Variants in MCMBP observed in about 807,000 individuals in gnomAD.
MCMBP encodes mini-chromosome maintenance complex-binding protein.
A neutral mutation model predicts 81.3 loss-of-function variants in MCMBP; 31 were observed. The observed-to-expected ratio is 0.38, with a 90% CI of 0.29 to 0.51. The LOEUF is 0.51. Ranked by LOEUF, MCMBP falls within the 20% of genes least tolerant of loss-of-function variation. MCMBP has a pLI of 0.87. For synonymous variants in MCMBP, 267 were observed against 275.9 expected (o/e 0.97, Z 0.32); for missense variants, 645 against 772.1 (o/e 0.84, Z 1.95).
chr10:119,840,680 T>G (rs1010098314), intron 11 of MCMBP, among the ~76,000 whole-genome samples, 163 bp downstream of exon 11: 19 of 152,250 alleles, frequency 1.2e-4, no homozygotes, highest in African/African-American at 4.6e-4. Flanking sequence ...GTGAAATGTT[T>G]AGGGGAACGT....
intron 1 of MCMBP, among the ~76,000 whole-genome samples, chr10:119,864,034 A>G (rs1238588513): frequency 6.6e-6 from 1 of 152,140 alleles, no homozygotes; most frequent in African/African-American, 2.4e-5. Flanking sequence ...GGGTGGGTTC[A>G]ATGTAATCAC....
intron 1 of MCMBP, among the ~76,000 whole-genome samples, chr10:119,871,997 A>G (rs1203021781): frequency 6.6e-6 from 1 of 152,202 alleles, no homozygotes; most frequent in Non-Finnish European, 1.5e-5. Context: ...AAACTAAGCT[A>G]TGAACATTAA....
chr10:119,851,029 T>C (rs550564287), intron 6 of MCMBP, among the ~76,000 whole-genome samples: 1 of 151,720 alleles, frequency 6.6e-6, no homozygotes, highest in African/African-American at 2.4e-5. Flanking sequence ...TGCACCACCA[T>C]GCCCAGCTAA....
intron 9 of MCMBP, 63 bp from the exon 10 acceptor site, chr10:119,842,658 T>TA (rs1229224824): frequency 4.5e-6 from 7 of 1,549,040 alleles, no homozygotes; most frequent in Admixed American, 4.1e-5. Flanking sequence ...GTGTCTTAGG[T>TA]AAAAAAATAA....
In MCMBP at chr10:119,842,731, G is replaced by A. The variant is rs1054072045; in HGVS notation, c.1001-136C>T. On this transcript the variant is annotated intron_variant, in intron 9 of 15. Coordinates refer to ENST00000369077, the MANE Select transcript of MCMBP (RefSeq NM_001256378.2). ...AAGCTTAACATATCCGTCAGTAAGT[G>A]ATGCTAATCTTAAAAATAAGGCAGT... 1.1e-5 allele frequency: 10 copies of A among 889,764 alleles called. No individual in the cohort carries two copies. The African/African-American group carries it at 1.5e-4, about 14-fold the overall frequency. The allele number at this position is 889,764 out of a possible 1,614,324, so 55.1% of individuals were successfully genotyped here.
intron 1 of MCMBP, among the ~76,000 whole-genome samples, chr10:119,868,442 A>G (rs970839998): frequency 6.6e-6 from 1 of 152,200 alleles, no homozygotes; most frequent in Non-Finnish European, 1.5e-5. Flanking sequence ...AAAAGAAAAG[A>G]AAAATTTTGA....
chr10:119,862,769 G>A (rs1168241769), intron 1 of MCMBP, among the ~76,000 whole-genome samples: 1 of 152,176 alleles, frequency 6.6e-6, no homozygotes, highest in African/African-American at 2.4e-5. Flanking sequence ...TTCCAGAGTG[G>A]CTGCACCATT....
intron 11 of MCMBP, among the ~76,000 whole-genome samples, chr10:119,839,641 C>G (rs1852365945): frequency 6.6e-6 from 1 of 152,158 alleles, no homozygotes; most frequent in Admixed American, 6.6e-5. Flanking sequence ...CAGGGTCAAT[C>G]AGGTCAAAAT....
Position 119,845,037 on chromosome 10 carries a change from A to G in MCMBP, c.828-1611T>C, listed in dbSNP as rs1380101351. Among the ~76,000 whole-genome samples, 6 of 152,166 alleles carry G rather than the reference A, an allele frequency of 3.9e-5. No individual in the cohort carries two copies. The East Asian group carries it at 9.6e-4, about 24-fold the overall frequency. Reference sequence around the variant, plus strand: ...TCATTCTCCTAATAAACTCCCCTTCATATATTCATCTATCCTATCAGTTCT... The same window carrying G: ...TCATTCTCCTAATAAACTCCCCTTCGTATATTCATCTATCCTATCAGTTCT... On this transcript the variant is annotated intron_variant, in intron 8 of 15. Transcript: ENST00000369077.
intron 1 of MCMBP, among the ~76,000 whole-genome samples, chr10:119,863,611 C>T (rs1244646440): frequency 1.3e-5 from 2 of 151,558 alleles, no homozygotes; most frequent in East Asian, 3.9e-4. Context: ...CGCCTGTAAT[C>T]CCAGCTACTC....
intron 8 of MCMBP, among the ~76,000 whole-genome samples, chr10:119,847,352 A>C (rs1441221221): frequency 1.3e-5 from 2 of 152,192 alleles, no homozygotes; most frequent in African/African-American, 4.8e-5. Context: ...TATATATGAG[A>C]AAGTCAGTAC....
upstream of MCMBP, among the ~76,000 whole-genome samples, chr10:119,873,016 G>A (rs537598105): frequency 6.6e-6 from 1 of 151,844 alleles, no homozygotes; most frequent in South Asian, 2.1e-4. Flanking sequence ...CGCCGCTGGA[G>A]GCTGCGCAGC....
chr10:119,856,020 C>T (rs924575063), intron 5 of MCMBP, among the ~76,000 whole-genome samples: 4 of 152,062 alleles, frequency 2.6e-5, no homozygotes, highest in South Asian at 2.1e-4. Context: ...GTCAAGAGAT[C>T]GAGACCATCC....
chr10:119,852,523 A>G (rs532318168), intron 6 of MCMBP, among the ~76,000 whole-genome samples: 40 of 152,276 alleles, frequency 2.6e-4, no homozygotes, highest in African/African-American at 9.4e-4. Flanking sequence ...CAAAATTTAA[A>G]AAGTTAGCTG....
chr10:119,854,791 G>A (rs1008060772), intron 5 of MCMBP, among the ~76,000 whole-genome samples: 1 of 150,520 alleles, frequency 6.6e-6, no homozygotes, highest in Admixed American at 6.6e-5. Context: ...ACCCCGTCTC[G>A]ACTAAAAACA....
intron 1 of MCMBP, among the ~76,000 whole-genome samples, chr10:119,861,943 A>G (rs919733019): frequency 1.3e-5 from 2 of 151,878 alleles, no homozygotes; most frequent in African/African-American, 2.4e-5. Context: ...AGGTCTCCCT[A>G]TGTTGTCCAG....
At chr10:119,834,775 C>T (rs951636530) in intron 14 of MCMBP, among the ~76,000 whole-genome samples, 7 of 146,746 alleles carry the variant, frequency 4.8e-5, no homozygotes, top group African/African-American at 7.5e-5. Flanking sequence ...GTGGGAGGAT[C>T]GCTTGAACCT....
chr10:119,839,458 T>A (rs1053025726), intron 11 of MCMBP, among the ~76,000 whole-genome samples: 1 of 152,190 alleles, frequency 6.6e-6, no homozygotes, highest in Non-Finnish European at 1.5e-5. Context: ...GAGTTTTGTG[T>A]ATTACCTCAG....
chr10:119,857,460 GT>G, intron 4 of MCMBP, 21 bp from the exon 5 acceptor site: 1 of 1,518,176 alleles, frequency 6.6e-7, no homozygotes, highest in Non-Finnish European at 8.9e-7. Context: ...CATAAAAAGT[GT>G]TTTTAAAAAT....
Sources: allele counts gnomAD v4.1 joint callset (sites outside exome capture counted in the v4.1 genomes callset), GRCh38; gene constraint gnomAD v4.1.1; transcripts MANE v1.5; gene names NCBI Gene and HGNC (gene_info 2026-07-23, HGNC 2026-07-21).